EPB41L5: variants seen among roughly 807,000 people sequenced by gnomAD.
EPB41L5 encodes band 4.1-like protein 5.
A neutral mutation model predicts 106.6 loss-of-function variants in EPB41L5; 55 were observed. The observed-to-expected ratio is 0.52, with a 90% CI of 0.42 to 0.65. The LOEUF (loss-of-function observed/expected upper bound fraction) is 0.65. Among genes scored for constraint, EPB41L5 ranks in the 30% least tolerant of loss-of-function variants. The pLI is 0.00. For missense variants in EPB41L5, 871 were observed against 882.1 expected, an observed-to-expected ratio of 0.99 and a Z score of 0.16; for synonymous variants, 297 against 306.7, an observed-to-expected ratio of 0.97 and a Z score of 0.33.
At position 120,157,570 on chromosome 2, in the gene EPB41L5, G is replaced by T. The variant is rs148131973; in HGVS notation, c.1794-3311G>T. Among the ~76,000 whole-genome samples, 272 of 152,158 alleles carry T rather than the reference G, an allele frequency of 1.8e-3. 1 individual carries two copies. Among genetic ancestry groups the T allele is most frequent in the African/African-American group, 6.1e-3 (254 of 41,510 alleles). ...GGATCACTTGAGACCAGGTGTTCAA[G>T]ACCAGCCTGACCAACATGGCAAAAC... On this transcript the variant is annotated intron_variant, in intron 20 of 24. Transcript: ENST00000263713.
chr2:120,109,577 C>A (rs1296130595), intron 16 of EPB41L5, among the ~76,000 whole-genome samples: 1 of 152,190 alleles, frequency 6.6e-6, no homozygotes, highest in African/African-American at 2.4e-5. Context: ...CCTCACTAGT[C>A]ATTTAGATCC....
At chr2:120,046,557 T>C (rs61670339) in intron 3 of EPB41L5, among the ~76,000 whole-genome samples, 39,083 of 150,982 alleles carry the variant, frequency 0.26, 5,449 homozygotes, top group African/African-American at 0.35. Flanking sequence ...TTCTGGATAT[T>C]AGCCCTTTGT....
chr2:120,083,692 A>G (rs950702383), intron 10 of EPB41L5, among the ~76,000 whole-genome samples: 1 of 152,114 alleles, frequency 6.6e-6, no homozygotes, highest in Non-Finnish European at 1.5e-5. Context: ...TCTAATGTTG[A>G]CAGTGGGGTG....
intron 3 of EPB41L5, among the ~76,000 whole-genome samples, chr2:120,054,216 G>A: frequency 6.6e-6 from 1 of 152,170 alleles, no homozygotes; most frequent in East Asian, 1.9e-4. Flanking sequence ...TTGGAGAAAT[G>A]TCTATTCAGA....
Position 120,113,034 on chromosome 2 carries a change from G to T in EPB41L5, c.1337+12220G>T, listed in dbSNP as rs116360139. Among the ~76,000 whole-genome samples the T allele has an allele frequency of 8.7e-3, 1,326 of 152,252 alleles. 19 individuals are homozygous for T. Among genetic ancestry groups the T allele is most frequent in the African/African-American group, 0.03 (1,260 of 41,532 alleles). On this transcript the variant is annotated intron_variant, in intron 16 of 24. Transcript: ENST00000263713. ...AAGGAATGTAATAATTCTATTTTAG[G>T]GGGCAGTGTGAAGAATGAATTCCAA...
intron 16 of EPB41L5, chr2:120,104,751 G>T (rs139344875): frequency 3.9e-5 from 35 of 903,474 alleles, no homozygotes; most frequent in African/African-American, 7.2e-5. Context: ...AAGTGCCTAA[G>T]ATTTTAATTA....
chr2:120,057,166 A>C (rs1298292775), intron 3 of EPB41L5, among the ~76,000 whole-genome samples: 1 of 152,146 alleles, frequency 6.6e-6, no homozygotes, highest in African/African-American at 2.4e-5. Flanking sequence ...CTGGGATTAC[A>C]AGTGTGAGCT....
At chr2:120,073,247 G>T (rs766035416) in intron 4 of EPB41L5, 27 bp downstream of exon 4, 1 of 1,549,574 alleles carries the variant, frequency 6.5e-7, no homozygotes, top group East Asian at 2.3e-5. Context: ...TTATTTGTGG[G>T]GGGGAAAGGA....
intron 2 of EPB41L5, among the ~76,000 whole-genome samples, chr2:120,027,907 G>C (rs1678443519): frequency 6.6e-6 from 1 of 151,784 alleles, no homozygotes; most frequent in Non-Finnish European, 1.5e-5. Flanking sequence ...ACTCTTGTTA[G>C]GCTGGAGTGC....
At chr2:120,140,294 G>A (rs922145446) in intron 18 of EPB41L5, among the ~76,000 whole-genome samples, 1 of 151,866 alleles carries the variant, frequency 6.6e-6, no homozygotes, top group Non-Finnish European at 1.5e-5. Flanking sequence ...AAAAATAACG[G>A]TATAATTGGA....
intron 3 of EPB41L5, among the ~76,000 whole-genome samples, chr2:120,046,213 A>T (rs1679765568): frequency 6.6e-6 from 1 of 152,186 alleles, no homozygotes; most frequent in Non-Finnish European, 1.5e-5. Flanking sequence ...CTAGTTCTAG[A>T]TCCTTGAGGA....
chr2:120,174,567 A>T (rs184518761), intron 24 of EPB41L5, among the ~76,000 whole-genome samples: 37 of 152,312 alleles, frequency 2.4e-4, no homozygotes, highest in Non-Finnish European at 2.6e-4. Flanking sequence ...ACCCTGACTC[A>T]TTAAGAAATG....
chr2:120,143,974 C>A (rs12621223), intron 19 of EPB41L5, among the ~76,000 whole-genome samples: 1 of 151,884 alleles, frequency 6.6e-6, no homozygotes, highest in Non-Finnish European at 1.5e-5. Context: ...CTACCTTAAG[C>A]TGGGTTGTAA....
rs562861957 is a variant in EPB41L5 at position 120,030,514 on chromosome 2, T to A, written c.180+11250T>A. On this transcript the variant is annotated intron_variant, in intron 2 of 24. Coordinates refer to ENST00000263713, the MANE Select transcript of EPB41L5 (RefSeq NM_020909.4). ...ATGATTCCATCTTCAACCTGACCAG[T>A]CAGCATTCCCCTCTTCCCAAGCCCC... 4.5e-3 allele frequency among the ~76,000 whole-genome samples: 686 copies of A among 152,274 alleles called. 7 individuals are homozygous for A. Among genetic ancestry groups the A allele is most frequent in the Non-Finnish European group, 5.8e-3 (392 of 68,016 alleles).
At chr2:120,065,725 CA>C (rs1681403706) in intron 3 of EPB41L5, among the ~76,000 whole-genome samples, 1 of 152,060 alleles carries the variant, frequency 6.6e-6, no homozygotes, top group Non-Finnish European at 1.5e-5. Flanking sequence ...CCATGTTGGC[CA>C]GGCTGGTCTG....
At chr2:120,023,009 C>T (rs1469164003) in intron 2 of EPB41L5, among the ~76,000 whole-genome samples, 1 of 152,128 alleles carries the variant, frequency 6.6e-6, no homozygotes, top group Non-Finnish European at 1.5e-5. Context: ...ATATCCTTCA[C>T]CCACTTTTTG....
At chr2:120,172,075 G>C (rs1687701895) in intron 24 of EPB41L5, among the ~76,000 whole-genome samples, 1 of 150,480 alleles carries the variant, frequency 6.6e-6, no homozygotes, top group Admixed American at 6.6e-5. Context: ...GAAATCCAAA[G>C]AGTGTGTAAA....
At chr2:120,122,547 G>A (rs544322839) in intron 16 of EPB41L5, among the ~76,000 whole-genome samples, 1 of 152,170 alleles carries the variant, frequency 6.6e-6, no homozygotes, top group East Asian at 1.9e-4. Context: ...CTCTGTTTTG[G>A]TACCAGTACC....
At chr2:120,016,189 G>T (rs1677512710) in intron 1 of EPB41L5, among the ~76,000 whole-genome samples, 1 of 152,062 alleles carries the variant, frequency 6.6e-6, no homozygotes, top group African/African-American at 2.4e-5. Context: ...TAGCACTTTG[G>T]GAGGCCGAGG....
Sources: gnomAD v4.1 joint callset for allele counts (sites outside exome capture counted in the v4.1 genomes callset) on GRCh38, gnomAD v4.1.1 for gene constraint, MANE v1.5 for transcripts, NCBI Gene and HGNC (gene_info 2026-07-23, HGNC 2026-07-21) for gene names.